The following NPAS3 variants were observed in gnomAD, a reference collection of about 807,000 sequenced individuals.
The protein encoded by NPAS3 is neuronal PAS domain protein 3.
A neutral mutation model predicts 73.1 loss-of-function variants in NPAS3; 14 were observed. That is an observed-to-expected ratio of 0.19 (90% confidence interval 0.13 to 0.30). The LOEUF (loss-of-function observed/expected upper bound fraction) is 0.30. NPAS3 is among the 10% of genes least tolerant of loss of function. The pLI is 1.00. For synonymous variants in NPAS3, 620 were observed against 541.5 expected (o/e 1.14, Z -2.01); for missense variants, 1,096 against 1,250.0 (o/e 0.88, Z 1.86).
chr14:33,710,672 C>T (rs999350236), intron 6 of NPAS3, among the ~76,000 whole-genome samples: 13 of 152,104 alleles, frequency 8.5e-5, no homozygotes, highest in Non-Finnish European at 1.8e-4. Flanking sequence ...AAAAGGAGTG[C>T]CCCAAGTGAA....
At chr14:33,526,591 G>T (rs894477470) in intron 4 of NPAS3, among the ~76,000 whole-genome samples, 1 of 151,350 alleles carries the variant, frequency 6.6e-6, no homozygotes, top group African/African-American at 2.4e-5. Context: ...GTCCTCCTGG[G>T]GTTCAATATA....
intron 1 of NPAS3, among the ~76,000 whole-genome samples, chr14:33,003,323 C>G (rs2038877805): frequency 6.6e-6 from 1 of 151,926 alleles, no homozygotes; most frequent in African/African-American, 2.4e-5. Context: ...GCCCAACGAC[C>G]CACTGCTGCA....
intron 2 of NPAS3, among the ~76,000 whole-genome samples, chr14:33,101,311 G>T (rs1318417384): frequency 6.6e-6 from 1 of 152,012 alleles, no homozygotes; most frequent in Non-Finnish European, 1.5e-5. Context: ...TATTTAAAAA[G>T]GGAAGTTATA....
At chr14:32,988,904 GTCAC>G (rs2038203736) in intron 1 of NPAS3, among the ~76,000 whole-genome samples, 1 of 152,118 alleles carries the variant, frequency 6.6e-6, no homozygotes, top group African/African-American at 2.4e-5. Context: ...CTATCATCTA[GTCAC>G]TCAGTGCGTA....
At chr14:33,112,704 C>G (rs189513624) in intron 2 of NPAS3, among the ~76,000 whole-genome samples, 1 of 152,216 alleles carries the variant, frequency 6.6e-6, no homozygotes, top group East Asian at 1.9e-4. Context: ...CCTTTTGTTG[C>G]CATTGCTTTT....
chr14:33,020,973 G>A (rs1595246744), intron 1 of NPAS3, among the ~76,000 whole-genome samples: 1 of 152,176 alleles, frequency 6.6e-6, no homozygotes, highest in African/African-American at 2.4e-5. Context: ...TGTTGCCCAG[G>A]CTGGTCTTAA....
At chr14:33,059,875 T>C (rs7150759) in intron 2 of NPAS3, among the ~76,000 whole-genome samples, 7,073 of 152,308 alleles carry the variant, frequency 0.046, 542 homozygotes, top group African/African-American at 0.16. Flanking sequence ...CATAGCTCAC[T>C]GCAGCCTCGA....
chr14:32,981,196 T>C (rs186150437), intron 1 of NPAS3, among the ~76,000 whole-genome samples: 33 of 152,350 alleles, frequency 2.2e-4, no homozygotes, highest in Non-Finnish European at 4.6e-4. Flanking sequence ...GATGTCACTA[T>C]GGTTCAAAGT....
chr14:32,940,872 T>C (rs1242460505), intron 1 of NPAS3, among the ~76,000 whole-genome samples: 4 of 152,208 alleles, frequency 2.6e-5, no homozygotes, highest in Non-Finnish European at 5.9e-5. Context: ...AGATACATAA[T>C]TGACTAATTC....
At chr14:33,251,568 G>T (rs1322369095) in intron 3 of NPAS3, among the ~76,000 whole-genome samples, 1 of 151,858 alleles carries the variant, frequency 6.6e-6, no homozygotes, top group Admixed American at 6.6e-5. Context: ...TAATCCAACT[G>T]TTTACTTTTT....
intron 5 of NPAS3, among the ~76,000 whole-genome samples, chr14:33,643,993 T>A (rs935026196): frequency 6.6e-6 from 1 of 152,198 alleles, no homozygotes; most frequent in Admixed American, 6.5e-5. Flanking sequence ...AGATACTTGA[T>A]CTTTATGATG....
chr14:33,507,880 G>A (rs1415711965), intron 4 of NPAS3, among the ~76,000 whole-genome samples: 1 of 151,896 alleles, frequency 6.6e-6, no homozygotes, highest in African/African-American at 2.4e-5. Flanking sequence ...TTTGATGTGC[G>A]ATTAGTTTCC....
At chr14:33,311,525 A>T (rs1171074562) in intron 3 of NPAS3, among the ~76,000 whole-genome samples, 5 of 152,084 alleles carry the variant, frequency 3.3e-5, no homozygotes. Flanking sequence ...AACTTGTGTC[A>T]TCTGGATATA....
intron 4 of NPAS3, among the ~76,000 whole-genome samples, chr14:33,483,993 T>C (rs1443087592): frequency 6.6e-6 from 1 of 152,228 alleles, no homozygotes; most frequent in Admixed American, 6.5e-5. Context: ...CAAATATTTA[T>C]TAAGCACCTA....
chr14:33,373,432 G>A (rs547389812), intron 4 of NPAS3, among the ~76,000 whole-genome samples: 2 of 149,400 alleles, frequency 1.3e-5, no homozygotes, highest in South Asian at 4.3e-4. Context: ...TACTAACTTT[G>A]TAAAATACAT....
intron 1 of NPAS3, among the ~76,000 whole-genome samples, chr14:33,004,828 T>TTTTTTTTTTTTTTTTTTTTTTTTTTTTA: frequency 7.1e-6 from 1 of 140,486 alleles, no homozygotes. Context: ...TTTTTTTTTT[T>TTTTTTTTTTTTTTTTTTTTTTTTTTTTA]TTTTTTTTAG....
chr14:33,643,476 C>T (rs1217127355), intron 5 of NPAS3, among the ~76,000 whole-genome samples: 15 of 149,040 alleles, frequency 1.0e-4, no homozygotes, highest in Non-Finnish European at 7.4e-5. Flanking sequence ...AGAAGTTATT[C>T]GGATGTGTCA....
intron 2 of NPAS3, among the ~76,000 whole-genome samples, chr14:33,138,749 G>T (rs568445017): frequency 6.6e-6 from 1 of 152,308 alleles, no homozygotes; most frequent in South Asian, 2.1e-4. Context: ...GAATGAATGT[G>T]TGAAAATTTA....
At chr14:33,193,054 T>G (rs1020570226) in intron 2 of NPAS3, among the ~76,000 whole-genome samples, 1 of 152,222 alleles carries the variant, frequency 6.6e-6, no homozygotes, top group East Asian at 1.9e-4. Flanking sequence ...ATTACCCTAG[T>G]GGAAGACCTA....
Sources: allele counts gnomAD v4.1 joint callset (sites outside exome capture counted in the v4.1 genomes callset), GRCh38; gene constraint gnomAD v4.1.1; transcripts MANE v1.5; gene names NCBI Gene and HGNC (gene_info 2026-07-23, HGNC 2026-07-21).